The following ZFAT variants were observed in gnomAD, a reference collection of about 807,000 sequenced individuals.
The protein encoded by ZFAT is zinc finger protein ZFAT.
ZFAT carries 64 observed loss-of-function variants against 117.7 expected under a neutral mutation model. That is an observed-to-expected ratio of 0.54 (90% CI 0.44 to 0.67). ZFAT has a LOEUF of 0.67. ZFAT is among the 30% of genes least tolerant of loss of function. ZFAT has a pLI of 0.00. For synonymous variants in ZFAT, 679 were observed against 615.0 expected (o/e 1.10, Z -1.54); for missense variants, 1,433 against 1,584.5 (o/e 0.90, Z 1.62).
chr8:134,503,174 G>A (rs147532975), intron 15 of ZFAT, among the ~76,000 whole-genome samples: 1 of 152,242 alleles, frequency 6.6e-6, no homozygotes, highest in African/African-American at 2.4e-5. Flanking sequence ...GGAGGATTGA[G>A]TGGAGTGCTG....
At chr8:134,500,090 C>T (rs1463055635) in intron 15 of ZFAT, among the ~76,000 whole-genome samples, 2 of 152,236 alleles carry the variant, frequency 1.3e-5, no homozygotes, top group African/African-American at 4.8e-5. Flanking sequence ...TGCCTCACTC[C>T]CGTCAGGGCT....
intron 2 of ZFAT, among the ~76,000 whole-genome samples, chr8:134,650,433 C>G (rs1831172980): frequency 6.6e-6 from 1 of 152,120 alleles, no homozygotes; most frequent in Admixed American, 6.5e-5. Context: ...GCCTAAACCT[C>G]TTTTCTTTAT....
chr8:134,722,996 T>TCTC, the ZFAT span: 1 of 152,228 alleles, frequency 6.6e-6, no homozygotes, highest in Non-Finnish European at 1.5e-5. Flanking sequence ...ACGAGCCACC[T>TCTC]TCTACAAGAG....
At chr8:134,820,975 T>C in the ZFAT span, among the ~76,000 whole-genome samples, 1 of 152,136 alleles carries the variant, frequency 6.6e-6, no homozygotes, top group Non-Finnish European at 1.5e-5. Context: ...AGTGAATGAA[T>C]AATGATGAGA....
Position 134,478,730 on chromosome 8 carries a change from G to C in ZFAT, c.3493-9C>G, listed in dbSNP as rs1817068749. 14 of 1,549,846 alleles carry C rather than the reference G, an allele frequency of 9.0e-6. No individual in the cohort carries two copies. The highest frequency in any genetic ancestry group is 5.9e-5 in the South Asian group (5 of 84,248). ...GGCTCCTCCTCGGTGACCTGCGGGA[G>C]GAGGGCAAGAGAAAGGTCACCCAGC... On this transcript the variant is annotated splice_polypyrimidine_tract_variant and intron_variant, in intron 15 of 15. Coordinates refer to ENST00000377838, the MANE Select transcript of ZFAT (RefSeq NM_020863.4). The surrounding 1 kb of genome is among the most constrained non-coding windows in gnomAD (Gnocchi z 5.2).
the ZFAT span, among the ~76,000 whole-genome samples, chr8:134,732,817 G>A: frequency 6.6e-6 from 1 of 152,138 alleles, no homozygotes; most frequent in Non-Finnish European, 1.5e-5. Context: ...TGTGAGGAGT[G>A]GAGAGGAATG....
intron 1 of ZFAT, among the ~76,000 whole-genome samples, chr8:134,682,022 G>A (rs552844900): frequency 6.6e-6 from 1 of 152,250 alleles, no homozygotes; most frequent in South Asian, 2.1e-4. Context: ...AATAAACTAT[G>A]TCATCAACTT....
chr8:134,753,809 A>T, the ZFAT span, among the ~76,000 whole-genome samples: 1 of 152,262 alleles, frequency 6.6e-6, no homozygotes. Flanking sequence ...ACTAGAAGTA[A>T]ATATAGATTA....
intron 12 of ZFAT, among the ~76,000 whole-genome samples, chr8:134,531,656 C>G (rs1821417307): frequency 6.6e-6 from 1 of 152,210 alleles, no homozygotes; most frequent in Non-Finnish European, 1.5e-5. Flanking sequence ...GACCTTCCCA[C>G]TGCATATCCT....
chr8:134,510,197 C>T (rs1819716102), intron 14 of ZFAT: 1 of 453,976 alleles, frequency 2.2e-6, no homozygotes. Flanking sequence ...GCAAAACATC[C>T]AAAGATGTAT....
chr8:134,671,466 T>C (rs1195166383), intron 1 of ZFAT, among the ~76,000 whole-genome samples: 1 of 152,158 alleles, frequency 6.6e-6, no homozygotes, highest in Non-Finnish European at 1.5e-5. Context: ...AATCAATAAA[T>C]GTAATCCAGC....
chr8:134,552,106 A>G (rs1269279886), intron 11 of ZFAT, among the ~76,000 whole-genome samples: 1 of 152,196 alleles, frequency 6.6e-6, no homozygotes, highest in Non-Finnish European at 1.5e-5. Context: ...AACTTTTTGT[A>G]GCACTTAACA....
At chr8:134,619,720 G>A (rs1828983384) in intron 3 of ZFAT, among the ~76,000 whole-genome samples, 1 of 152,202 alleles carries the variant, frequency 6.6e-6, no homozygotes, top group Non-Finnish European at 1.5e-5. Context: ...AGCAAGGGAA[G>A]GCCTCTTGCA....
chr8:134,611,283 C>T (rs950625361), intron 3 of ZFAT, among the ~76,000 whole-genome samples: 2 of 152,176 alleles, frequency 1.3e-5, no homozygotes, highest in Admixed American at 6.5e-5. Context: ...CAAGCATGTG[C>T]GAAGCAATGG....
At chr8:134,583,056 C>A (rs570485276) in intron 10 of ZFAT, among the ~76,000 whole-genome samples, 56 of 152,278 alleles carry the variant, frequency 3.7e-4, no homozygotes, top group African/African-American at 1.3e-3. Context: ...AACAAATCTT[C>A]TTTCCCTCTA....
chr8:134,715,908 T>G (rs1443309343), upstream of ZFAT, among the ~76,000 whole-genome samples: 1 of 152,162 alleles, frequency 6.6e-6, no homozygotes, highest in African/African-American at 2.4e-5. Context: ...GGAACATAAT[T>G]TCACAGGATG....
chr8:134,761,167 C>T, the ZFAT span, among the ~76,000 whole-genome samples: 1 of 152,142 alleles, frequency 6.6e-6, no homozygotes, highest in Non-Finnish European at 1.5e-5. Context: ...GTACTTTATC[C>T]TTTCCACTCC....
intron 11 of ZFAT, among the ~76,000 whole-genome samples, chr8:134,545,771 C>T (rs1457239126): frequency 1.3e-5 from 2 of 152,316 alleles, no homozygotes; most frequent in East Asian, 3.9e-4. Flanking sequence ...GAAGACCCCA[C>T]AGGACAGTGT....
Position 134,637,464 on chromosome 8 carries a change from C to T in ZFAT, c.445G>A (p.Ala149Thr), listed in dbSNP as rs1213783498. The T allele has an allele frequency of 6.2e-7, 1 of 1,605,328 alleles. No homozygotes were observed. The highest frequency in any genetic ancestry group is 8.5e-7 in the Non-Finnish European group (1 of 1,172,662). Residue 149 changes from alanine (A) to threonine (T), a missense_variant, in exon 3 of 16, where the codon GCA becomes ACA. This residue lies in a region of ZFAT where 436 missense variants were observed against 482.0 expected (regional missense o/e 0.90). Coordinates refer to ENST00000377838, the MANE Select transcript of ZFAT (RefSeq NM_020863.4). ...VLNLGEEEGE[A>T]GNESDLELEK... The stretch of plus-strand genomic sequence containing the variant: ...TCAGCCCTTTGGCAGCATTTACCTG[C>T]TTCTCCTTCCTCCTCACCCAAATTC...
Sources: gnomAD v4.1 joint callset for allele counts (sites outside exome capture counted in the v4.1 genomes callset) on GRCh38, gnomAD v4.1.1 for gene constraint, gnomAD v4.1.1 regional missense constraint, Gnocchi (gnomAD v3.1) non-coding constraint, MANE v1.5 for transcripts, NCBI Gene and HGNC (gene_info 2026-07-23, HGNC 2026-07-21) for gene names.